SLC12A4: variants seen among roughly 807,000 people sequenced by gnomAD.
SLC12A4 encodes solute carrier family 12 member 4.
SLC12A4 carries 84 observed loss-of-function variants against 119.2 expected under a neutral mutation model. That is an observed-to-expected ratio of 0.70 (90% CI 0.59 to 0.85). The LOEUF is 0.85. Ranked by LOEUF, SLC12A4 falls within the 40% of genes least tolerant of loss-of-function variation. The pLI is 0.00. For missense variants in SLC12A4, 1,298 were observed against 1,476.3 expected (o/e 0.88, Z 1.98); for synonymous variants, 599 against 604.6 (o/e 0.99, Z 0.14).
intron 6 of SLC12A4, among the ~76,000 whole-genome samples, chr16:67,953,679 T>C (rs1003764658): frequency 3.3e-5 from 5 of 152,214 alleles, no homozygotes; most frequent in Non-Finnish European, 5.9e-5. Flanking sequence ...AATTGCATGG[T>C]ATGTAAATTA....
At chr16:67,958,838 C>G (rs1460323435) in intron 3 of SLC12A4, among the ~76,000 whole-genome samples, 2 of 152,142 alleles carry the variant, frequency 1.3e-5, no homozygotes, top group African/African-American at 4.8e-5. Flanking sequence ...GAAACTGTTA[C>G]CTCTCTCGGG....
Position 67,951,251 on chromosome 16 carries a change from G to A in SLC12A4, c.1186C>T (p.Leu396=), listed in dbSNP as rs141750351. ...EKGDIVEKHG[L]PSADAPSLKE... ...AGGCTCGGGGCATCTGCGGAGGGCA[G>A]CCCATGCTTCTCCACGATGTCACCC... Residue 396 remains leucine (L), a synonymous_variant, in exon 9 of 24, where the codon CTG becomes TTG. Transcript: ENST00000316341. This position sits in a 1 kb window ranked among gnomAD's most constrained non-coding sequence, Gnocchi z 5.2. The A allele has an allele frequency of 9.3e-6, 15 of 1,613,986 alleles. No individual in the cohort carries two copies. In the African/African-American group the frequency reaches 1.6e-4, roughly 17 times the overall value.
chr16:67,944,996 TGCCCACCC>T lies in SLC12A4; in HGVS notation c.3167-73_3167-66del. ...CGGGCAACCCGGGCCACCTGGGCCA[TGCCCACCC>T]AGGGGTGCCCAGGAGAGAAGCCGCT... On this transcript the variant is annotated intron_variant, in intron 23 of 23. Coordinates refer to ENST00000316341, the MANE Select transcript of SLC12A4 (RefSeq NM_005072.5). The surrounding 1 kb of genome is among the most constrained non-coding windows in gnomAD (Gnocchi z 6.6). The T allele has an allele frequency of 3.1e-6, 5 of 1,610,256 alleles. No individual in the cohort carries two copies. Among genetic ancestry groups the T allele is most frequent in the Non-Finnish European group, 4.2e-6 (5 of 1,177,708 alleles).
chr16:67,946,105 C>T (rs368571969), intron 19 of SLC12A4, 23 bp from the exon 20 acceptor site: 15 of 1,612,628 alleles, frequency 9.3e-6, no homozygotes, highest in East Asian at 6.7e-5. Flanking sequence ...ACCAGGTGGG[C>T]GGTTTGGTCA....
chr16:67,968,431 G>A lies in SLC12A4; in HGVS notation c.115+8C>T. On this transcript the variant is annotated splice_region_variant and intron_variant, in intron 1 of 23. Transcript: ENST00000316341. The stretch of plus-strand genomic sequence containing the variant: ...GCCCCGCCACGGCCCCTCAGAACGC[G>A]CCCTCACCGTCCGAGTCATCCAGCT... 6.4e-7 allele frequency: 1 copy of A among 1,565,722 alleles called. No homozygotes were observed. Among genetic ancestry groups the A allele is most frequent in the Admixed American group, 1.8e-5 (1 of 56,308 alleles).
chr16:67,946,502 C>A lies in SLC12A4; in HGVS notation c.2373G>T (p.Val791=). 6.2e-7 allele frequency: 1 copy of A among 1,609,494 alleles called. No homozygotes were observed. Among genetic ancestry groups the A allele is most frequent in the South Asian group, 1.1e-5 (1 of 91,082 alleles). The part of the protein sequence containing the change: ...CGLGGMRHNS[V]VLGWPYGWRQ... ...GCCAGCCGTAGGGCCAGCCCAGCAC[C>A]ACGGAGTTATGCCGCATGCCTCCCA... Residue 791 remains valine (V), a synonymous_variant, in exon 18 of 24, where the codon GTG becomes GTT. Transcript: ENST00000316341.
At chr16:67,963,409 G>A in intron 2 of SLC12A4, 56 bp downstream of exon 2, 1 of 1,217,584 alleles carries the variant, frequency 8.2e-7, no homozygotes, top group South Asian at 1.4e-5. Context: ...CAGCCTGCCT[G>A]CTTAGCTAAA....
chr16:67,944,340 C>A lies in SLC12A4; in HGVS notation c.*500G>T, dbSNP rs1598206208. On this transcript the variant is annotated 3_prime_UTR_variant, in exon 24 of 24. Coordinates refer to ENST00000316341, the MANE Select transcript of SLC12A4 (RefSeq NM_005072.5). The surrounding 1 kb of genome is among the most constrained non-coding windows in gnomAD (Gnocchi z 6.6). ...GGGCAGCAGGAGGCCCAGAACTACA[C>A]AATGTTTTATTGAAAAAGTCAGGCC... 2 of 1,379,538 alleles carry A rather than the reference C, an allele frequency of 1.4e-6. No homozygotes were observed. The highest frequency in any genetic ancestry group is 5.3e-5 in the East Asian group (2 of 38,034). 85.5% of individuals were successfully genotyped at this position (1,379,538 alleles called of 1,614,324 possible). A position where few individuals can be genotyped will look rare whatever the true frequency, so the allele number is the denominator to read the frequency against.
intron 23 of SLC12A4, 39 bp downstream of exon 23, chr16:67,945,048 A>G (rs1234850563): frequency 6.3e-7 from 1 of 1,583,746 alleles, no homozygotes; most frequent in East Asian, 2.2e-5. Context: ...CTCCCATGCT[A>G]TCCACCTCCC....
At position 67,950,268 on chromosome 16, in the gene SLC12A4, GGGCGAGGGCCTGGGAGCAGCCA is replaced by G; in HGVS notation, c.1629+29_1629+50del. 6.3e-7 allele frequency: 1 copy of G among 1,581,530 alleles called. No individual in the cohort carries two copies. Among genetic ancestry groups the G allele is most frequent in the Non-Finnish European group, 8.6e-7 (1 of 1,159,594 alleles). ...GTGTTCCCTATCTCTCTCCCCAGCC[GGGCGAGGGCCTGGGAGCAGCCA>G]GGCCATGGGGGAGTGCAGAGGGGCT... On this transcript the variant is annotated intron_variant, in intron 12 of 23. Coordinates refer to ENST00000316341, the MANE Select transcript of SLC12A4 (RefSeq NM_005072.5). The surrounding 1 kb of genome is among the most constrained non-coding windows in gnomAD (Gnocchi z 4.3).
At chr16:67,960,474 C>T (rs1274465149) in intron 3 of SLC12A4, among the ~76,000 whole-genome samples, 1 of 151,906 alleles carries the variant, frequency 6.6e-6, no homozygotes, top group African/African-American at 2.4e-5. Context: ...AGGTGAGAGA[C>T]GCGCTTCAGT....
rs1309048858 is a variant in SLC12A4, at chr16:67,946,578, A to G, written c.2297T>C (p.Val766Ala). 1 of 1,612,902 alleles carries G rather than the reference A, an allele frequency of 6.2e-7. No individual in the cohort carries two copies. The highest frequency in any genetic ancestry group is 8.5e-7 in the Non-Finnish European group (1 of 1,179,986). Residue 766 changes from valine to alanine, a missense_variant, in exon 18 of 24, where the codon GTG (valine) becomes GCG (alanine). Physicochemically the swap from Val to Ala is moderately conservative, Grantham distance 64. Transcript: ENST00000316341. ...CAGCCCCTCCCGCACCTTGCTGGCC[A>G]CCACCACCTGGCAGAAGCCCTTCAC... ...EKVKGFCQVV[V>A]ASKVREGLAH...
rs536319292 is a variant in SLC12A4, at chr16:67,963,905, T to A, written c.116-346A>T. The A allele has an allele frequency of 3.9e-6, 6 of 1,550,982 alleles. No individual in the cohort carries two copies. The Admixed American group carries it at 9.8e-5, about 25-fold the overall frequency. ...CCCCCAGATCGCCTCCACGCCCCAGTCCCTTTCCCGGTCTTTCCGGAGTAC... is the reference window on the plus strand; with the variant it reads ...CCCCCAGATCGCCTCCACGCCCCAGACCCTTTCCCGGTCTTTCCGGAGTAC... On this transcript the variant is annotated intron_variant, in intron 1 of 23. Transcript: ENST00000316341.
At position 67,968,474 on chromosome 16, in the gene SLC12A4, T is replaced by C; in HGVS notation, c.80A>G (p.Asp27Gly). The change falls in exon 1 of 24, where the codon GAC (aspartate) becomes GGC (glycine). Residue 27 changes from aspartate (D) to glycine (G), a missense_variant. Asp to Gly is a moderately conservative substitution (Grantham distance 94). Transcript: ENST00000316341. ...YDNLEGLSWV[D>G]YGERAELDDS... The stretch of plus-strand genomic sequence containing the variant: ...ATCCAGCTCGGCGCGCTCCCCGTAG[T>C]CCACCCAACTGAGCCCCTCGAGGTT... 1 of 1,584,618 alleles carries C rather than the reference T, an allele frequency of 6.3e-7. No homozygotes were observed. Among genetic ancestry groups the C allele is most frequent in the Admixed American group, 1.7e-5 (1 of 57,664 alleles).
chr16:67,946,487 G>A lies in SLC12A4; in HGVS notation c.2388C>T (p.Pro796=). 3 of 1,608,510 alleles carry A rather than the reference G, an allele frequency of 1.9e-6. No individual in the cohort carries two copies. Among genetic ancestry groups the A allele is most frequent in the Non-Finnish European group, 2.5e-6 (3 of 1,179,982 alleles). The change falls in exon 18 of 24, where the codon CCC becomes CCT. Residue 796 remains proline (P), a synonymous_variant. Transcript: ENST00000316341. Reference sequence around the variant, plus strand: ...GGTCCTCGCTCTGTCGCCAGCCGTAGGGCCAGCCCAGCACCACGGAGTTAT... The same window carrying A: ...GGTCCTCGCTCTGTCGCCAGCCGTAAGGCCAGCCCAGCACCACGGAGTTAT... ...MRHNSVVLGW[P]YGWRQSEDPR...
At chr16:67,946,112 G>T in intron 19 of SLC12A4, 30 bp from the exon 20 acceptor site, 1 of 1,612,858 alleles carries the variant, frequency 6.2e-7, no homozygotes, top group Non-Finnish European at 8.5e-7. Flanking sequence ...GGGCGGTTTG[G>T]TCACAGCTGC....
chr16:67,944,882 C>A lies in SLC12A4; in HGVS notation c.3216G>T (p.Leu1072Phe). Reference protein sequence around the residue: ...VLTEGLERVLLVRGGGREVIT... With the variant: ...VLTEGLERVLFVRGGGREVIT... ...TGACTTCACGGCCACCACCGCGCAC[C>A]AACAGCACCCGCTCAAGGCCCTCGG... Residue 1072 changes from leucine (L) to phenylalanine (F), a missense_variant, in exon 24 of 24, where the codon TTG becomes TTT. By Grantham distance (22) the Leu-to-Phe change is conservative (BLOSUM62 0). Coordinates refer to ENST00000316341, the MANE Select transcript of SLC12A4 (RefSeq NM_005072.5). The surrounding 1 kb of genome is among the most constrained non-coding windows in gnomAD (Gnocchi z 6.6). 1 of 1,613,500 alleles carries A rather than the reference C, an allele frequency of 6.2e-7. No homozygotes were observed. Among genetic ancestry groups the A allele is most frequent in the Non-Finnish European group, 8.5e-7 (1 of 1,180,022 alleles).
Position 67,951,488 on chromosome 16 carries a change from T to C in SLC12A4, c.1133-184A>G, listed in dbSNP as rs1484163176. ...AGAGAAGGAGCTGCCCAGCTAGAAG[T>C]CGACAGACAAAGGTGGCTGAACCAC... On this transcript the variant is annotated intron_variant, in intron 8 of 23. Transcript: ENST00000316341. This position sits in a 1 kb window ranked among gnomAD's most constrained non-coding sequence, Gnocchi z 5.2. 1.4e-6 allele frequency: 1 copy of C among 692,676 alleles called. No individual in the cohort carries two copies. The highest frequency in any genetic ancestry group is 2.4e-6 in the Non-Finnish European group (1 of 424,612). 42.9% of individuals were successfully genotyped at this position (692,676 alleles called of 1,614,324 possible).
Position 67,945,118 on chromosome 16 carries a change from G to T in SLC12A4, c.3135C>A (p.Gly1045=). The T allele has an allele frequency of 1.3e-6, 2 of 1,595,772 alleles. No individual in the cohort carries two copies. Among genetic ancestry groups the T allele is most frequent in the Admixed American group, 1.7e-5 (1 of 57,934 alleles). Residue 1045 remains glycine (G), a synonymous_variant, in exon 23 of 24, where the codon GGC becomes GGA. Coordinates refer to ENST00000316341, the MANE Select transcript of SLC12A4 (RefSeq NM_005072.5). ...DARLVLLNMP[G]PPRNSEGDEN... Reference sequence around the variant, plus strand: ...CGTCGCCCTCACTGTTCCTGGGTGGGCCAGGCATGTTTAGGAGAACCAGGC... The same window carrying T: ...CGTCGCCCTCACTGTTCCTGGGTGGTCCAGGCATGTTTAGGAGAACCAGGC...
Sources: allele counts gnomAD v4.1 joint callset (sites outside exome capture counted in the v4.1 genomes callset), GRCh38; gene constraint gnomAD v4.1.1; non-coding constraint Gnocchi (gnomAD v3.1); transcripts MANE v1.5; gene names NCBI Gene and HGNC (gene_info 2026-07-23, HGNC 2026-07-21).